Variants in PRKCZ observed in about 807,000 individuals in gnomAD.
The protein encoded by PRKCZ is protein kinase C zeta.
Under a neutral mutation model 79.5 loss-of-function variants are expected in PRKCZ, and 33 were observed. That is an observed-to-expected ratio of 0.41 (90% CI 0.31 to 0.55). The LOEUF is 0.55. PRKCZ is among the 20% of genes least tolerant of loss of function. The probability of loss-of-function intolerance (pLI) is 0.19; values close to 1 mark genes in which losing one functional copy is unlikely to be tolerated. For synonymous variants in PRKCZ, 342 were observed against 320.9 expected, an observed-to-expected ratio of 1.07 and a Z score of -0.70; for missense variants, 578 against 813.5, an observed-to-expected ratio of 0.71 and a Z score of 3.52.
chr1:2,049,032 G>A (rs1659447845), upstream of PRKCZ, among the ~76,000 whole-genome samples: 1 of 152,174 alleles, frequency 6.6e-6, no homozygotes, highest in African/African-American at 2.4e-5. Flanking sequence ...TGGGCATGGT[G>A]GTGGACACCT....
At chr1:2,060,547 G>A (rs563112253) in intron 4 of PRKCZ, among the ~76,000 whole-genome samples, 22 of 152,192 alleles carry the variant, frequency 1.4e-4, no homozygotes, top group African/African-American at 3.1e-4. Flanking sequence ...GTTTGGCAGC[G>A]CTTAGCGTAG....
chr1:2,167,340 T>C (rs1291658590), intron 10 of PRKCZ, among the ~76,000 whole-genome samples: 1 of 152,206 alleles, frequency 6.6e-6, no homozygotes, highest in Non-Finnish European at 1.5e-5. Context: ...ATTGATGCTT[T>C]TCTCTAGAAT....
chr1:2,136,196 C>T (rs1676167554), intron 5 of PRKCZ, among the ~76,000 whole-genome samples: 1 of 152,230 alleles, frequency 6.6e-6, no homozygotes, highest in South Asian at 2.1e-4. Context: ...TCCTTCTACT[C>T]CCATGGTCTG....
intron 4 of PRKCZ, among the ~76,000 whole-genome samples, chr1:2,116,594 C>T (rs146111675): frequency 5.9e-5 from 9 of 152,276 alleles, no homozygotes; most frequent in East Asian, 1.9e-4. Flanking sequence ...AGGGCTTTTG[C>T]GTCCTGGCTG....
intron 4 of PRKCZ, among the ~76,000 whole-genome samples, chr1:2,107,685 A>C (rs949643546): frequency 2.6e-5 from 4 of 151,938 alleles, no homozygotes; most frequent in Non-Finnish European, 4.4e-5. Flanking sequence ...GGTTCTCAGG[A>C]CTGCCGAAAT....
chr1:2,144,516 T>C, intron 6 of PRKCZ, 175 bp downstream of exon 6: 1 of 1,425,182 alleles, frequency 7.0e-7, no homozygotes, highest in Middle Eastern at 1.9e-4. Context: ...AGGACCCATC[T>C]TCCTGAGCCC....
In PRKCZ at chr1:2,075,908, C is replaced by G. The variant is rs565989685; in HGVS notation, c.334+16317C>G. Among the ~76,000 whole-genome samples, 215 of 152,356 alleles carry G rather than the reference C, an allele frequency of 1.4e-3. No individual in the cohort carries two copies. The highest frequency in any genetic ancestry group is 4.8e-3 in the African/African-American group (198 of 41,584). On this transcript the variant is annotated intron_variant, in intron 4 of 17. Coordinates refer to ENST00000378567, the MANE Select transcript of PRKCZ (RefSeq NM_002744.6). The surrounding 1 kb of genome is among the most constrained non-coding windows in gnomAD (Gnocchi z 4.8). ...AGCGGGGGCTGCGTCTCATCTGCCACACGTTTCTGATCGCCGAGGACTCAG... is the reference window on the plus strand; with the variant it reads ...AGCGGGGGCTGCGTCTCATCTGCCAGACGTTTCTGATCGCCGAGGACTCAG...
chr1:2,134,384 A>G (rs573752386), intron 4 of PRKCZ, among the ~76,000 whole-genome samples: 2 of 152,302 alleles, frequency 1.3e-5, no homozygotes, highest in South Asian at 4.1e-4. Context: ...AGTCGCTTTT[A>G]TGATGGAATT....
intron 7 of PRKCZ, among the ~76,000 whole-genome samples, chr1:2,146,680 G>A (rs1202407900): frequency 6.6e-6 from 1 of 152,156 alleles, no homozygotes; most frequent in African/African-American, 2.4e-5. Flanking sequence ...CCTCTGCACG[G>A]GGGTGTGAGA....
intron 3 of PRKCZ, 43 bp downstream of exon 3, chr1:2,056,616 C>T: frequency 6.4e-7 from 1 of 1,555,990 alleles, no homozygotes; most frequent in East Asian, 2.3e-5. Flanking sequence ...GGGGGCTGTT[C>T]CTGGCTGTGG....
chr1:2,063,621 T>G (rs1049480659), intron 4 of PRKCZ, among the ~76,000 whole-genome samples: 10 of 152,118 alleles, frequency 6.6e-5, no homozygotes, highest in African/African-American at 1.4e-4. Flanking sequence ...CCGATAATTC[T>G]GTTTAAAGAG....
At position 2,055,423 on chromosome 1, in the gene PRKCZ, A is replaced by G; in HGVS notation, c.72-18A>G. The G allele has an allele frequency of 1.3e-6, 2 of 1,595,588 alleles. No homozygotes were observed. Among genetic ancestry groups the G allele is most frequent in the Non-Finnish European group, 1.7e-6 (2 of 1,169,410 alleles). The stretch of plus-strand genomic sequence containing the variant: ...ATATGCCCCACGGTAACAGATGCCC[A>G]TGTCCCCTCTGCCCCAGGGACATCT... On this transcript the variant is annotated intron_variant, in intron 1 of 17. Transcript: ENST00000378567.
At chr1:2,065,633 C>T (rs1321964412) in intron 4 of PRKCZ, among the ~76,000 whole-genome samples, 2 of 144,092 alleles carry the variant, frequency 1.4e-5, no homozygotes, top group African/African-American at 2.6e-5. Context: ...GAGCGGAGAT[C>T]GTGCCACTGC....
At chr1:2,051,006 C>G (rs750369457) in intron 1 of PRKCZ, 15 of 309,426 alleles carry the variant, frequency 4.8e-5, no homozygotes, top group Non-Finnish European at 5.3e-5. Flanking sequence ...GTTCCGGCCG[C>G]AAACCTGTAA....
chr1:2,172,350 A>G lies in PRKCZ; in HGVS notation c.1247A>G (p.Asn416Ser). The G allele has an allele frequency of 6.2e-7, 1 of 1,613,484 alleles. No individual in the cohort carries two copies. The highest frequency in any genetic ancestry group is 8.5e-7 in the Non-Finnish European group (1 of 1,180,014). Residue 416 changes from asparagine (N) to serine (S), a missense_variant, in exon 13 of 18, where the codon AAT (asparagine) becomes AGT (serine). Physicochemically the swap from Asn to Ser is conservative, Grantham distance 46 (BLOSUM62 1). Around this residue, in one of 4 missense-constraint regions of PRKCZ, gnomAD observed 243 missense variants for 467.0 expected, o/e 0.52. Coordinates refer to ENST00000378567, the MANE Select transcript of PRKCZ (RefSeq NM_002744.6). This position sits in a 1 kb window ranked among gnomAD's most constrained non-coding sequence, Gnocchi z 7.8. ...ACGAGCACTTTCTGCGGAACCCCGAATTACATCGCCCCCGAAATCCTGCGG... is the reference window on the plus strand; with the variant it reads ...ACGAGCACTTTCTGCGGAACCCCGAGTTACATCGCCCCCGAAATCCTGCGG... Reference protein sequence around the residue: ...DTTSTFCGTPNYIAPEILRGE... With the variant: ...DTTSTFCGTPSYIAPEILRGE...
rs757592490 is a variant in PRKCZ, at chr1:2,156,146, A to G, written c.974+54A>G. 4.6e-6 allele frequency: 7 copies of G among 1,507,002 alleles called. 1 individual carries two copies. The highest frequency in any genetic ancestry group is 1.7e-4 in the Middle Eastern group (1 of 5,874). 93.4% of individuals were successfully genotyped at this position (1,507,002 alleles called of 1,614,324 possible). A position where few individuals can be genotyped will look rare whatever the true frequency, so the allele number is the denominator to read the frequency against. On this transcript the variant is annotated intron_variant, in intron 10 of 17. Transcript: ENST00000378567. The stretch of plus-strand genomic sequence containing the variant: ...TCTGCAGATTTCAGATGTGAACTGC[A>G]CAGAAGCTAAGTCTGGTGTGATGTG...
chr1:2,131,889 G>C (rs1675034781), intron 4 of PRKCZ, among the ~76,000 whole-genome samples: 1 of 152,224 alleles, frequency 6.6e-6, no homozygotes, highest in South Asian at 2.1e-4. Context: ...GCGGCTCACT[G>C]CAAGCTCCAC....
chr1:2,074,259 C>T (rs1661971141), intron 4 of PRKCZ: 3 of 1,550,300 alleles, frequency 1.9e-6, no homozygotes, highest in African/African-American at 1.4e-5. Flanking sequence ...GGGACATGCT[C>T]ACCCCGAGGA....
Position 2,075,130 on chromosome 1 carries a change from T to C in PRKCZ, c.334+15539T>C, listed in dbSNP as rs1662160315. On this transcript the variant is annotated intron_variant, in intron 4 of 17. Transcript: ENST00000378567. The surrounding 1 kb of genome is among the most constrained non-coding windows in gnomAD (Gnocchi z 4.8). ...TTGAGTGATGAAGATTCTGTGTTGA[T>C]GGGGTGAGTGGGAGAGAGACGGAGC... 6.6e-6 allele frequency: 1 copy of C among 152,136 alleles called. No homozygotes were observed. Among genetic ancestry groups the C allele is most frequent in the African/African-American group, 2.4e-5 (1 of 41,392 alleles). The allele number at this position is 152,136 out of a possible 1,614,324, so 9.4% of individuals were successfully genotyped here.
Sources: gnomAD v4.1 joint callset for allele counts (sites outside exome capture counted in the v4.1 genomes callset) on GRCh38, gnomAD v4.1.1 for gene constraint, gnomAD v4.1.1 regional missense constraint, Gnocchi (gnomAD v3.1) non-coding constraint, MANE v1.5 for transcripts, NCBI Gene and HGNC (gene_info 2026-07-23, HGNC 2026-07-21) for gene names.